TAS2R1: variants seen among roughly 807,000 people sequenced by gnomAD.
The protein encoded by TAS2R1 is taste receptor type 2 member 1.
For synonymous variants in TAS2R1, 141 were observed against 134.2 expected (o/e 1.05, Z -0.35); for missense variants, 370 against 353.4 (o/e 1.05, Z -0.38).
the TAS2R1 span, among the ~76,000 whole-genome samples, chr5:9,763,829 C>T: frequency 9.2e-5 from 14 of 152,194 alleles, no homozygotes; most frequent in Non-Finnish European, 1.8e-4. Context: ...AAACGTAAAA[C>T]AGGCCATTTT....
the TAS2R1 span, among the ~76,000 whole-genome samples, chr5:9,893,916 G>T: frequency 1.3e-5 from 2 of 152,208 alleles, no homozygotes; most frequent in East Asian, 3.8e-4. Context: ...ATGGCCTTTA[G>T]GCTTTTAGGG....
At chr5:9,892,129 G>A in the TAS2R1 span, among the ~76,000 whole-genome samples, 99 of 152,270 alleles carry the variant, frequency 6.5e-4, no homozygotes, top group African/African-American at 2.3e-3. Context: ...TGACCCAGGA[G>A]GGGCAGATTT....
At chr5:9,789,167 C>A in the TAS2R1 span, among the ~76,000 whole-genome samples, 1 of 152,266 alleles carries the variant, frequency 6.6e-6, no homozygotes, top group South Asian at 2.1e-4. Flanking sequence ...CGGGCATCAA[C>A]CCAGGAGCCT....
chr5:9,891,002 T>G, the TAS2R1 span, among the ~76,000 whole-genome samples: 1 of 152,232 alleles, frequency 6.6e-6, no homozygotes, highest in East Asian at 1.9e-4. Context: ...GAGACCTCGG[T>G]AGGTGCCCAT....
chr5:9,649,905 A>G (rs957391864), intron 2 of TAS2R1, among the ~76,000 whole-genome samples: 1 of 152,186 alleles, frequency 6.6e-6, no homozygotes, highest in African/African-American at 2.4e-5. Context: ...TCCAAAACTG[A>G]GAATACTTAA....
chr5:9,846,623 A>C, the TAS2R1 span, among the ~76,000 whole-genome samples: 1 of 152,270 alleles, frequency 6.6e-6, no homozygotes, highest in East Asian at 1.9e-4. Flanking sequence ...TCTTATGAGA[A>C]CTGCATTTAG....
chr5:9,698,864 A>G (rs41488), intron 1 of TAS2R1, among the ~76,000 whole-genome samples: 27,803 of 152,202 alleles, frequency 0.18, 3,231 homozygotes, highest in Admixed American at 0.31. Flanking sequence ...AATTTTGTCC[A>G]TGCTGTTTCT....
chr5:9,797,368 G>A, the TAS2R1 span, among the ~76,000 whole-genome samples: 1 of 152,154 alleles, frequency 6.6e-6, no homozygotes, highest in Non-Finnish European at 1.5e-5. Context: ...CCTCTCAGAG[G>A]CTGCTTTATA....
intron 1 of TAS2R1, among the ~76,000 whole-genome samples, chr5:9,675,834 T>C (rs1315883122): frequency 6.6e-6 from 1 of 152,224 alleles, no homozygotes; most frequent in African/African-American, 2.4e-5. Flanking sequence ...TCTAGAGGTG[T>C]ATGACTTTTA....
At chr5:9,867,014 T>C in the TAS2R1 span, 18 of 152,196 alleles carry the variant, frequency 1.2e-4, no homozygotes, top group African/African-American at 3.6e-4. Flanking sequence ...AGATGATGCA[T>C]GGGTTTGTTT....
At chr5:9,758,866 A>G in the TAS2R1 span, among the ~76,000 whole-genome samples, 3 of 152,206 alleles carry the variant, frequency 2.0e-5, no homozygotes, top group Non-Finnish European at 4.4e-5. Flanking sequence ...ATAATTTTCA[A>G]ATGGTAAAAT....
chr5:9,826,350 A>T, the TAS2R1 span, among the ~76,000 whole-genome samples: 1 of 152,178 alleles, frequency 6.6e-6, no homozygotes, highest in African/African-American at 2.4e-5. Context: ...TTTCCATGGT[A>T]TGATATGAAT....
chr5:9,738,405 G>A, the TAS2R1 span, among the ~76,000 whole-genome samples: 7 of 152,196 alleles, frequency 4.6e-5, no homozygotes, highest in East Asian at 1.9e-4. Context: ...GAGGGAGAAG[G>A]GAGGCCTGGG....
At chr5:9,742,576 T>C in the TAS2R1 span, among the ~76,000 whole-genome samples, 1 of 152,252 alleles carries the variant, frequency 6.6e-6, no homozygotes, top group Non-Finnish European at 1.5e-5. Context: ...TTCTCATTTT[T>C]ATGTCTTATT....
chr5:9,903,420 C>A, the TAS2R1 span: 1 of 152,022 alleles, frequency 6.6e-6, no homozygotes, highest in African/African-American at 2.4e-5. Context: ...TCTGGTGCAG[C>A]CATCACCTAA....
chr5:9,766,882 T>A, the TAS2R1 span, among the ~76,000 whole-genome samples: 3 of 152,182 alleles, frequency 2.0e-5, no homozygotes, highest in African/African-American at 7.2e-5. Flanking sequence ...GAATCCTCTC[T>A]TGGTTTCCTC....
the TAS2R1 span, among the ~76,000 whole-genome samples, chr5:9,768,593 C>T: frequency 6.6e-6 from 1 of 152,158 alleles, no homozygotes; most frequent in African/African-American, 2.4e-5. Context: ...TGACCTCCAT[C>T]CCCTCCTTCT....
the TAS2R1 span, among the ~76,000 whole-genome samples, chr5:9,847,240 G>T: frequency 4.8e-3 from 724 of 152,264 alleles, 3 homozygotes; most frequent in South Asian, 0.013. Context: ...TTGACCATAA[G>T]AAAATGTTTG....
At chr5:9,745,411 T>C in the TAS2R1 span, among the ~76,000 whole-genome samples, 1 of 152,032 alleles carries the variant, frequency 6.6e-6, no homozygotes, top group Non-Finnish European at 1.5e-5. Context: ...AATATATGAA[T>C]ACAAATGGAG....
Sources: gnomAD v4.1 joint callset for allele counts (sites outside exome capture counted in the v4.1 genomes callset) on GRCh38, gnomAD v4.1.1 for gene constraint, MANE v1.5 for transcripts, NCBI Gene and HGNC (gene_info 2026-07-23, HGNC 2026-07-21) for gene names.